Variants in ZNF407 observed in about 807,000 individuals in gnomAD.
The protein encoded by ZNF407 is zinc finger protein 407.
Under a neutral mutation model 131.2 loss-of-function variants are expected in ZNF407, and 17 were observed. The ratio of observed to expected loss-of-function variants is 0.13; its 90% CI spans 0.09 to 0.19. The LOEUF is 0.19. Ranked by LOEUF, ZNF407 falls within the 10% of genes least tolerant of loss-of-function variation. The pLI is 1.00. For missense variants in ZNF407, 2,681 were observed against 2,830.6 expected (o/e 0.95, Z 1.20); for synonymous variants, 1,156 against 1,062.0 (o/e 1.09, Z -1.72).
At chr18:75,061,535 G>C (rs116231472) in intron 8 of ZNF407, 1 of 152,428 alleles carries the variant, frequency 6.6e-6, no homozygotes, top group Non-Finnish European at 1.5e-5. Flanking sequence ...CTCGTGCAGC[G>C]CCTCCCATCC....
intron 1 of ZNF407, among the ~76,000 whole-genome samples, chr18:74,625,461 G>C (rs1252564879): frequency 6.6e-6 from 1 of 152,094 alleles, no homozygotes; most frequent in Non-Finnish European, 1.5e-5. Flanking sequence ...CTAGTGAAAG[G>C]GACAGTCGTG....
intron 8 of ZNF407, among the ~76,000 whole-genome samples, chr18:74,921,975 A>G (rs774364106): frequency 6.6e-6 from 1 of 152,150 alleles, no homozygotes; most frequent in Non-Finnish European, 1.5e-5. Context: ...GTTCTTTCAT[A>G]TTTCTCGATT....
chr18:74,676,021 G>A (rs1986342520), intron 3 of ZNF407, among the ~76,000 whole-genome samples: 1 of 152,030 alleles, frequency 6.6e-6, no homozygotes, highest in South Asian at 2.1e-4. Context: ...AATAAAACAA[G>A]TCTACATTCA....
chr18:74,654,422 A>C (rs1038535674), intron 3 of ZNF407, among the ~76,000 whole-genome samples: 3 of 151,866 alleles, frequency 2.0e-5, no homozygotes, highest in Non-Finnish European at 4.4e-5. Context: ...AAATTCTTTC[A>C]GTGCCAAACT....
intron 3 of ZNF407, among the ~76,000 whole-genome samples, chr18:74,680,761 T>C: frequency 6.6e-6 from 1 of 152,288 alleles, no homozygotes; most frequent in East Asian, 1.9e-4. Flanking sequence ...CCCTGGCCTT[T>C]CTTTTTATTT....
intron 8 of ZNF407, among the ~76,000 whole-genome samples, chr18:75,020,292 ATG>A (rs1453201088): frequency 7.1e-6 from 1 of 141,370 alleles, no homozygotes; most frequent in Non-Finnish European, 1.5e-5. Context: ...ATGTGTGTGT[ATG>A]TGTATATGTG....
intron 3 of ZNF407, among the ~76,000 whole-genome samples, chr18:74,718,536 T>A (rs1471973750): frequency 6.6e-6 from 1 of 151,730 alleles, no homozygotes; most frequent in Admixed American, 6.6e-5. Context: ...GAATGTGGGG[T>A]AAAGGGAAGG....
At chr18:74,660,540 G>A (rs1985669263) in intron 3 of ZNF407, among the ~76,000 whole-genome samples, 1 of 152,064 alleles carries the variant, frequency 6.6e-6, no homozygotes, top group African/African-American at 2.4e-5. Context: ...TTTTGTTGCA[G>A]TTTTTTAATT....
intron 3 of ZNF407, among the ~76,000 whole-genome samples, chr18:74,760,880 T>A (rs1969080005): frequency 6.6e-6 from 1 of 152,176 alleles, no homozygotes; most frequent in African/African-American, 2.4e-5. Flanking sequence ...ATTGTTGAGT[T>A]GGTTTTCTTG....
chr18:75,031,646 A>G (rs963210708), intron 8 of ZNF407, among the ~76,000 whole-genome samples: 11 of 152,206 alleles, frequency 7.2e-5, no homozygotes, highest in Admixed American at 6.5e-5. Flanking sequence ...AGAAACGAGT[A>G]TTTATCATTC....
intron 8 of ZNF407, among the ~76,000 whole-genome samples, chr18:74,988,641 A>G (rs1972681680): frequency 6.6e-6 from 1 of 151,692 alleles, no homozygotes; most frequent in Admixed American, 6.6e-5. Flanking sequence ...TTGAAGTATA[A>G]TAATAATAAA....
At chr18:74,966,710 T>C (rs957409829) in intron 8 of ZNF407, among the ~76,000 whole-genome samples, 2 of 152,170 alleles carry the variant, frequency 1.3e-5, no homozygotes, top group Admixed American at 6.5e-5. Context: ...TCATTGGCAT[T>C]TTGATAGAGA....
chr18:75,039,180 G>A (rs745462866), intron 8 of ZNF407, among the ~76,000 whole-genome samples: 10 of 152,102 alleles, frequency 6.6e-5, no homozygotes, highest in Non-Finnish European at 1.3e-4. Context: ...TTTGCCTTAC[G>A]GAGCCCTAAT....
chr18:74,739,547 C>T (rs1968499673), intron 3 of ZNF407, among the ~76,000 whole-genome samples: 1 of 151,324 alleles, frequency 6.6e-6, no homozygotes, highest in South Asian at 2.1e-4. Flanking sequence ...TATTTAAAGT[C>T]CAGGGTTAGC....
intron 8 of ZNF407, among the ~76,000 whole-genome samples, chr18:74,947,093 C>T (rs1223205517): frequency 1.3e-5 from 2 of 152,200 alleles, no homozygotes; most frequent in African/African-American, 2.4e-5. Context: ...ATGACCGCCT[C>T]CTGTTCCACA....
chr18:75,044,675 A>G (rs936514421), intron 8 of ZNF407, among the ~76,000 whole-genome samples: 31 of 152,172 alleles, frequency 2.0e-4, no homozygotes, highest in Admixed American at 1.3e-3. Context: ...TTCCATTGAT[A>G]TGTTTGATAA....
At chr18:74,999,348 T>TAAAAAAAAAAAAA (rs71170334) in intron 8 of ZNF407, among the ~76,000 whole-genome samples, 2 of 60,450 alleles carry the variant, frequency 3.3e-5, no homozygotes, top group Non-Finnish European at 7.2e-5. Context: ...TAGAGTATAA[T>TAAAAAAAAAAAAA]AAAAAAAAAA....
Position 74,986,785 on chromosome 18 carries a change from G to A in ZNF407, c.5428+66093G>A, listed in dbSNP as rs575548023. On this transcript the variant is annotated intron_variant, in intron 8 of 8. Transcript: ENST00000299687. Reference sequence around the variant, plus strand: ...CGCACACACACTTTTCGATGAGTATGTGAATGAAGAATATGCCGTATCCTG... The same window carrying A: ...CGCACACACACTTTTCGATGAGTATATGAATGAAGAATATGCCGTATCCTG... Among the ~76,000 whole-genome samples, 5 of 152,262 alleles carry A rather than the reference G, an allele frequency of 3.3e-5. No individual in the cohort carries two copies. The South Asian group carries it at 1.0e-3, about 32-fold the overall frequency.
intron 4 of ZNF407, among the ~76,000 whole-genome samples, chr18:74,830,837 C>T (rs1420091342): frequency 2.0e-5 from 3 of 152,168 alleles, no homozygotes; most frequent in African/African-American, 7.2e-5. Flanking sequence ...AGTCGTCCTA[C>T]AGCGGTATCT....
Sources: allele counts gnomAD v4.1 joint callset (sites outside exome capture counted in the v4.1 genomes callset), GRCh38; gene constraint gnomAD v4.1.1; transcripts MANE v1.5; gene names NCBI Gene and HGNC (gene_info 2026-07-23, HGNC 2026-07-21).